The following PRC1 variants were observed in gnomAD, a reference collection of about 807,000 sequenced individuals.
PRC1 encodes anaphase spindle elongation 1 homolog.
A neutral mutation model predicts 91.2 loss-of-function variants in PRC1; 54 were observed. That is an observed-to-expected ratio of 0.59 (90% CI 0.48 to 0.74). The LOEUF is 0.74. Ranked by LOEUF, PRC1 falls within the 30% of genes least tolerant of loss-of-function variation. The probability of loss-of-function intolerance (pLI) is 0.00; values close to 1 mark genes in which losing one functional copy is unlikely to be tolerated. For missense variants in PRC1, 727 were observed against 746.2 expected (o/e 0.97, Z 0.30); for synonymous variants, 275 against 263.6 (o/e 1.04, Z -0.42).
intron 1 of PRC1, among the ~76,000 whole-genome samples, chr15:90,987,451 G>A (rs1161016441): frequency 6.6e-6 from 1 of 152,088 alleles, no homozygotes; most frequent in Non-Finnish European, 1.5e-5. Context: ...GTACGTTTCT[G>A]AATGTATGTT....
Position 90,974,435 on chromosome 15 carries a change from C to T in PRC1, c.1350+150G>A, listed in dbSNP as rs1344443027. On this transcript the variant is annotated intron_variant, in intron 10 of 14. Coordinates refer to ENST00000394249, the MANE Select transcript of PRC1 (RefSeq NM_003981.4). This position sits in a 1 kb window ranked among gnomAD's most constrained non-coding sequence, Gnocchi z 4.6. ...CCACAAGCCCCGGTCCCCGGCTCCC[C>T]GTTCCACAAGCCCCGGTCCCCGGCT... is the stretch of plus-strand genomic sequence containing the variant. The T allele has an allele frequency of 1.4e-5, 17 of 1,250,818 alleles. No homozygotes were observed. The highest frequency in any genetic ancestry group is 2.9e-5 in the South Asian group (2 of 70,094). The allele number at this position is 1,250,818 out of a possible 1,614,324, so 77.5% of individuals were successfully genotyped here.
Position 90,975,629 on chromosome 15 carries a change from A to T in PRC1, c.1204-898T>A, listed in dbSNP as rs977308604. Among the ~76,000 whole-genome samples the T allele has an allele frequency of 4.6e-5, 7 of 152,224 alleles. No individual in the cohort carries two copies. The South Asian group carries it at 8.3e-4, about 18-fold the overall frequency. On this transcript the variant is annotated intron_variant, in intron 9 of 14. Coordinates refer to ENST00000394249, the MANE Select transcript of PRC1 (RefSeq NM_003981.4). Reference sequence around the variant, plus strand: ...TGAATTGTGTTTCCCCCAAATTCAAATGTTGAAGCCTTAACCCCCAGTACC... The same window carrying T: ...TGAATTGTGTTTCCCCCAAATTCAATTGTTGAAGCCTTAACCCCCAGTACC...
At chr15:90,968,244 A>C (rs2037709538) in intron 14 of PRC1, 1 of 985,442 alleles carries the variant, frequency 1.0e-6, no homozygotes, top group African/African-American at 1.7e-5. Context: ...AGAGTGACAC[A>C]CACCCACTTT....
Position 90,974,027 on chromosome 15 carries a change from G to A in PRC1, c.1461+109C>T, listed in dbSNP as rs1419327531. 3 of 856,592 alleles carry A rather than the reference G, an allele frequency of 3.5e-6. No individual in the cohort carries two copies. The highest frequency in any genetic ancestry group is 3.4e-5 in the African/African-American group (2 of 59,230). The allele number at this position is 856,592 out of a possible 1,614,324, so 53.1% of individuals were successfully genotyped here. ...CTTTTCTCTGTCTCTTGTCCCACCT[G>A]ATGAGAAATACCCACAGGTGTGGAG... On this transcript the variant is annotated intron_variant, in intron 11 of 14. Transcript: ENST00000394249. This position sits in a 1 kb window ranked among gnomAD's most constrained non-coding sequence, Gnocchi z 4.6.
At chr15:90,975,942 C>T (rs902100412) in intron 9 of PRC1, among the ~76,000 whole-genome samples, 2 of 152,128 alleles carry the variant, frequency 1.3e-5, no homozygotes, top group African/African-American at 2.4e-5. Context: ...ACGGAGAAGA[C>T]GACAACCATT....
intron 1 of PRC1, among the ~76,000 whole-genome samples, chr15:90,991,531 G>A: frequency 6.6e-6 from 1 of 152,036 alleles, no homozygotes; most frequent in East Asian, 1.9e-4. Flanking sequence ...ATTCTAGTTA[G>A]AGACACTTCC....
intron 14 of PRC1, chr15:90,967,541 A>G (rs1214399571): frequency 1.9e-5 from 4 of 205,164 alleles, no homozygotes; most frequent in Non-Finnish European, 3.9e-5. Flanking sequence ...GTCCCATAAG[A>G]TTATACCATA....
intron 1 of PRC1, among the ~76,000 whole-genome samples, chr15:90,992,607 T>G (rs908578060): frequency 6.6e-6 from 1 of 152,148 alleles, no homozygotes; most frequent in Non-Finnish European, 1.5e-5. Flanking sequence ...TGTATGATCT[T>G]AAGATGCTTC....
At chr15:90,992,320 G>A (rs2040025371) in intron 1 of PRC1, among the ~76,000 whole-genome samples, 1 of 152,126 alleles carries the variant, frequency 6.6e-6, no homozygotes, top group Admixed American at 6.5e-5. Context: ...GTGAGGGCAG[G>A]GATGTCACTT....
At position 90,968,643 on chromosome 15, in the gene PRC1, G is replaced by A. The variant is rs888659299; in HGVS notation, c.1791+436C>T. The A allele has an allele frequency of 8.3e-5, 83 of 1,005,384 alleles. No homozygotes were observed. The Admixed American group carries it at 1.1e-3, about 13-fold the overall frequency. The allele number at this position is 1,005,384 out of a possible 1,614,324, so 62.3% of individuals were successfully genotyped here. A position where few individuals can be genotyped will look rare whatever the true frequency, so the allele number is the denominator to read the frequency against. Reference sequence around the variant, plus strand: ...AATCAGCATTAGCTAGCTGAGAATAGAGCTGGCGGTTAAGCCCTGAGGGGT... The same window carrying A: ...AATCAGCATTAGCTAGCTGAGAATAAAGCTGGCGGTTAAGCCCTGAGGGGT... On this transcript the variant is annotated intron_variant, in intron 14 of 14. Coordinates refer to ENST00000394249, the MANE Select transcript of PRC1 (RefSeq NM_003981.4).
chr15:90,977,586 T>G (rs1390560951), intron 8 of PRC1, among the ~76,000 whole-genome samples: 3 of 144,064 alleles, frequency 2.1e-5, no homozygotes, highest in African/African-American at 5.2e-5. Flanking sequence ...GTTTTTTTTT[T>G]TTTTTTTTTT....
At position 90,984,959 on chromosome 15, in the gene PRC1, C is replaced by T; in HGVS notation, c.12-134G>A. The T allele has an allele frequency of 9.2e-7, 1 of 1,084,926 alleles. No individual in the cohort carries two copies. Among genetic ancestry groups the T allele is most frequent in the South Asian group, 1.6e-5 (1 of 62,662 alleles). The allele number at this position is 1,084,926 out of a possible 1,614,324, so 67.2% of individuals were successfully genotyped here. ...AAACAAATTGAAAACAAGCATTCAG[C>T]TTAATTCACCTTTAACCACTCCCCA... On this transcript the variant is annotated intron_variant, in intron 1 of 14. Coordinates refer to ENST00000394249, the MANE Select transcript of PRC1 (RefSeq NM_003981.4). The surrounding 1 kb of genome is among the most constrained non-coding windows in gnomAD (Gnocchi z 5.1).
rs1447639689 is a variant in PRC1, at chr15:90,966,687, A to T, written c.*444T>A. On this transcript the variant is annotated 3_prime_UTR_variant, in exon 15 of 15. Transcript: ENST00000394249. ...TGGGGACAAGGCTTCAGGTAAGAGC[A>T]AAGCTATGATAGCTACAGCATTAAT... The T allele has an allele frequency of 2.2e-6, 1 of 456,264 alleles. No homozygotes were observed. Among genetic ancestry groups the T allele is most frequent in the East Asian group, 6.9e-5 (1 of 14,408 alleles). The allele number at this position is 456,264 out of a possible 1,614,324, so 28.3% of individuals were successfully genotyped here.
intron 1 of PRC1, among the ~76,000 whole-genome samples, chr15:90,989,003 G>T (rs1189377849): frequency 2.6e-5 from 4 of 152,116 alleles, no homozygotes; most frequent in African/African-American, 4.8e-5. Flanking sequence ...AATGGGCAAA[G>T]AATCTGAATA....
chr15:90,986,479 C>T (rs2039582116), intron 1 of PRC1, among the ~76,000 whole-genome samples: 1 of 152,118 alleles, frequency 6.6e-6, no homozygotes, highest in Admixed American at 6.5e-5. Context: ...AAAAAATTAG[C>T]TGGGTGTGGT....
At chr15:90,969,651 A>G in intron 12 of PRC1, 28 bp from the exon 13 acceptor site, 1 of 1,560,170 alleles carries the variant, frequency 6.4e-7, no homozygotes, top group South Asian at 1.2e-5. Context: ...AGATCCATGT[A>G]TCATCCTTCT....
Position 90,966,394 on chromosome 15 carries a change from A to G in PRC1, c.*737T>C. On this transcript the variant is annotated 3_prime_UTR_variant, in exon 15 of 15. Transcript: ENST00000394249. ...AAACAGACTCCCAATGTGGCTGGCA[A>G]CTGCGGGGGTAGAAGAACTCAGGCA... 1 of 338,064 alleles carries G rather than the reference A, an allele frequency of 3.0e-6. No homozygotes were observed. Among genetic ancestry groups the G allele is most frequent in the South Asian group, 2.2e-5 (1 of 45,086 alleles). The allele number at this position is 338,064 out of a possible 1,614,324, so 20.9% of individuals were successfully genotyped here. A position where few individuals can be genotyped will look rare whatever the true frequency, so the allele number is the denominator to read the frequency against.
rs999949277 is a variant in PRC1, at chr15:90,994,334, C to T, written c.11+73G>A. 1.4e-5 allele frequency: 22 copies of T among 1,610,338 alleles called. No homozygotes were observed. The African/African-American group carries it at 1.7e-4, about 13-fold the overall frequency. On this transcript the variant is annotated intron_variant, in intron 1 of 14. Coordinates refer to ENST00000394249, the MANE Select transcript of PRC1 (RefSeq NM_003981.4). ...CCGGGACCCCGCACGGGTCCCGCAC[C>T]CCTGAACAGGCCCCGCAGCCGAAAC...
chr15:90,991,826 C>G (rs2039998715), intron 1 of PRC1, among the ~76,000 whole-genome samples: 1 of 152,126 alleles, frequency 6.6e-6, no homozygotes, highest in African/African-American at 2.4e-5. Flanking sequence ...CGAAGCTGGC[C>G]TCCTTAAGTC....
Sources: gnomAD v4.1 joint callset for allele counts (sites outside exome capture counted in the v4.1 genomes callset) on GRCh38, gnomAD v4.1.1 for gene constraint, Gnocchi (gnomAD v3.1) non-coding constraint, MANE v1.5 for transcripts, NCBI Gene and HGNC (gene_info 2026-07-23, HGNC 2026-07-21) for gene names.